The following TLE4 variants were observed in gnomAD, a reference collection of about 807,000 sequenced individuals.
The protein encoded by TLE4 is transducin-like enhancer protein 4.
In TLE4, 8 loss-of-function variants were observed where a neutral mutation model predicts 92.8. The ratio of observed to expected loss-of-function variants is 0.09; its 90% confidence interval spans 0.05 to 0.16. The LOEUF (loss-of-function observed/expected upper bound fraction) is 0.16. Among genes scored for constraint, TLE4 ranks in the 10% least tolerant of loss-of-function variants. The pLI is 1.00. For synonymous variants in TLE4, 371 were observed against 374.1 expected (o/e 0.99, Z 0.10); for missense variants, 675 against 997.6 (o/e 0.68, Z 4.36).
intron 15 of TLE4, among the ~76,000 whole-genome samples, chr9:79,719,456 A>T (rs1041758217): frequency 7.9e-5 from 12 of 152,156 alleles, no homozygotes; most frequent in Non-Finnish European, 1.3e-4. Flanking sequence ...AATTAAATAT[A>T]CATAAGATTC....
chr9:79,623,649 T>C (rs561766124), intron 5 of TLE4, among the ~76,000 whole-genome samples: 1 of 151,640 alleles, frequency 6.6e-6, no homozygotes, highest in African/African-American at 2.4e-5. Context: ...TATGGTTCAA[T>C]ACTTTTCAGT....
At chr9:79,647,769 C>CAT (rs1445920842) in intron 6 of TLE4, among the ~76,000 whole-genome samples, 9 of 151,946 alleles carry the variant, frequency 5.9e-5, no homozygotes, top group African/African-American at 2.2e-4. Flanking sequence ...ACACGTAGCA[C>CAT]ATATATATGT....
rs114029389 is a variant in TLE4 at position 79,686,225 on chromosome 9, C to T, written c.610-18558C>T. ...GAGGGAGGAGTGTCCTGGAACCAAA[C>T]GCCCATGGATACCTAAGGATGACTG... On this transcript the variant is annotated intron_variant, in intron 8 of 19. Transcript: ENST00000376552. Among the ~76,000 whole-genome samples, 26 of 152,190 alleles carry T rather than the reference C, an allele frequency of 1.7e-4. No homozygotes were observed. The East Asian group carries it at 4.1e-3, about 24-fold the overall frequency.
intron 4 of TLE4, among the ~76,000 whole-genome samples, chr9:79,595,849 CTTTTTT>C (rs746656900): frequency 0.082 from 11,329 of 138,570 alleles, 588 homozygotes; most frequent in African/African-American, 0.14. Context: ...TTGCCATCTA[CTTTTTT>C]TTTTTTTTTT....
intron 8 of TLE4, among the ~76,000 whole-genome samples, chr9:79,694,127 G>C (rs1001000806): frequency 6.6e-6 from 1 of 152,166 alleles, no homozygotes; most frequent in Non-Finnish European, 1.5e-5. Context: ...GCGGAGGGGG[G>C]AGTGTGGAGA....
intron 5 of TLE4, among the ~76,000 whole-genome samples, chr9:79,625,230 G>C (rs1312075591): frequency 6.6e-6 from 1 of 150,984 alleles, no homozygotes; most frequent in Non-Finnish European, 1.5e-5. Context: ...CGTTTTAGCC[G>C]GGATGGTCTC....
chr9:79,598,468 C>G (rs1432110537), intron 4 of TLE4, among the ~76,000 whole-genome samples: 1 of 152,148 alleles, frequency 6.6e-6, no homozygotes, highest in Non-Finnish European at 1.5e-5. Context: ...TTACCCTTTT[C>G]TCTGCCCCTT....
intron 4 of TLE4, among the ~76,000 whole-genome samples, chr9:79,588,317 T>C (rs894744291): frequency 1.3e-5 from 2 of 151,910 alleles, no homozygotes; most frequent in African/African-American, 4.8e-5. Context: ...GCAGCTAACT[T>C]TTTTGTATTT....
At chr9:79,583,889 G>A (rs2040364651) in intron 4 of TLE4, among the ~76,000 whole-genome samples, 1 of 152,166 alleles carries the variant, frequency 6.6e-6, no homozygotes, top group Admixed American at 6.5e-5. Context: ...TTGGATCCAT[G>A]TATTTATTTA....
intron 8 of TLE4, among the ~76,000 whole-genome samples, chr9:79,655,856 TC>T (rs1354738539): frequency 2.0e-5 from 3 of 152,180 alleles, no homozygotes; most frequent in Admixed American, 6.6e-5. Context: ...AAGCCTCCAC[TC>T]CCAGAAGACT....
At chr9:79,607,595 A>C (rs2047357004) in intron 4 of TLE4, among the ~76,000 whole-genome samples, 2 of 152,142 alleles carry the variant, frequency 1.3e-5, no homozygotes, top group African/African-American at 4.8e-5. Context: ...ACATATGGCT[A>C]TCCAGTTTTC....
rs2036118888 is a variant in TLE4 at position 79,572,667 on chromosome 9, ACCGC to A, written c.-120_-117del. On this transcript the variant is annotated 5_prime_UTR_variant, in exon 1 of 20. It introduces an in-frame stop codon into an upstream open reading frame of the 5' UTR. Coordinates refer to ENST00000376552, the MANE Select transcript of TLE4 (RefSeq NM_007005.6). ...CACGCGAGACCCGGCGGGGGCCGGGACCGCCCGAGCCGCCCCTCAGACCGAGCCG... is the reference window on the plus strand; with the variant it reads ...CACGCGAGACCCGGCGGGGGCCGGGACCGAGCCGCCCCTCAGACCGAGCCG... 1.2e-6 allele frequency: 1 copy of A among 858,218 alleles called. No individual in the cohort carries two copies. The highest frequency in any genetic ancestry group is 3.3e-5 in the Admixed American group (1 of 29,922). The allele number at this position is 858,218 out of a possible 1,614,324, so 53.2% of individuals were successfully genotyped here.
chr9:79,592,142 T>TTTC (rs926786262), intron 4 of TLE4, among the ~76,000 whole-genome samples: 1 of 151,554 alleles, frequency 6.6e-6, no homozygotes, highest in Non-Finnish European at 1.5e-5. Context: ...TTCTTTCTTC[T>TTTC]TTCTTCTTTC....
chr9:79,629,720 G>A (rs1420443244), intron 6 of TLE4, among the ~76,000 whole-genome samples: 2 of 152,146 alleles, frequency 1.3e-5, no homozygotes, highest in Non-Finnish European at 2.9e-5. Context: ...GCAGAAATAG[G>A]AAAACAAACC....
chr9:79,581,658 G>A (rs1705249442), intron 4 of TLE4, among the ~76,000 whole-genome samples: 1 of 152,138 alleles, frequency 6.6e-6, no homozygotes, highest in African/African-American at 2.4e-5. Flanking sequence ...GATTAAACAG[G>A]GTCAGCTCTG....
At chr9:79,579,617 G>A (rs538187613) in intron 4 of TLE4, among the ~76,000 whole-genome samples, 1 of 152,166 alleles carries the variant, frequency 6.6e-6, no homozygotes, top group South Asian at 2.1e-4. Context: ...AGTAAGTACT[G>A]CACATTTATG....
chr9:79,725,159 G>A lies in TLE4; in HGVS notation c.*15G>A, dbSNP rs780546541. ...TTATTTATTAAAGACAAATCTTCATGCAGACTGGACTTCTCCTCCTGGTAG... is the reference window on the plus strand; with the variant it reads ...TTATTTATTAAAGACAAATCTTCATACAGACTGGACTTCTCCTCCTGGTAG... On this transcript the variant is annotated 3_prime_UTR_variant, in exon 20 of 20. Transcript: ENST00000376552. 6.3e-7 allele frequency: 1 copy of A among 1,584,558 alleles called. No homozygotes were observed. The highest frequency in any genetic ancestry group is 8.7e-7 in the Non-Finnish European group (1 of 1,153,428).
At position 79,654,387 on chromosome 9, in the gene TLE4, T is replaced by TAAC. The variant is rs1375548955; in HGVS notation, c.609+315_609+317dup. Among the ~76,000 whole-genome samples the TAAC allele has an allele frequency of 2.0e-5, 3 of 152,076 alleles. No individual in the cohort carries two copies. The South Asian group carries it at 6.2e-4, about 31-fold the overall frequency. On this transcript the variant is annotated intron_variant, in intron 8 of 19. Transcript: ENST00000376552. ...CTTCACTTAGGCTTTGGCTGTAAGA[T>TAAC]AACAATGAAATGAATTAAATAAATT...
At chr9:79,589,793 A>G (rs551878446) in intron 4 of TLE4, among the ~76,000 whole-genome samples, 2 of 152,270 alleles carry the variant, frequency 1.3e-5, no homozygotes, top group African/African-American at 4.8e-5. Flanking sequence ...CTGAGAATTC[A>G]ACGTGACGTT....
Sources: allele counts gnomAD v4.1 joint callset (sites outside exome capture counted in the v4.1 genomes callset), GRCh38; gene constraint gnomAD v4.1.1; transcripts MANE v1.5; gene names NCBI Gene and HGNC (gene_info 2026-07-23, HGNC 2026-07-21).